The following NECTIN3 variants were observed in gnomAD, a reference collection of about 807,000 sequenced individuals.
NECTIN3 encodes the protein nectin cell adhesion molecule 3, also known as nectin-3.
In NECTIN3, 8 loss-of-function variants were observed where a neutral mutation model predicts 49.4. That is an observed-to-expected ratio of 0.16 (90% CI 0.10 to 0.29). NECTIN3 has a LOEUF of 0.29. Among genes scored for constraint, NECTIN3 ranks in the 10% least tolerant of loss-of-function variants. The pLI, the probability that NECTIN3 is intolerant of heterozygous loss-of-function variation, is 1.00. For missense variants in NECTIN3, 581 were observed against 654.6 expected (o/e 0.89, Z 1.23); for synonymous variants, 277 against 241.1 (o/e 1.15, Z -1.38).
At chr3:111,122,078 AT>A (rs2033980493) in intron 3 of NECTIN3, 42 bp from the exon 4 acceptor site, 2 of 1,299,382 alleles carry the variant, frequency 1.5e-6, no homozygotes, top group Non-Finnish European at 2.2e-6. Context: ...TGCATTTATC[AT>A]TAACAAAAGG....
chr3:111,138,511 G>A (rs1406835851), downstream of NECTIN3, among the ~76,000 whole-genome samples: 1 of 151,558 alleles, frequency 6.6e-6, no homozygotes, highest in African/African-American at 2.4e-5. Flanking sequence ...CTTGAGTAGT[G>A]TTAGGTTTTT....
intron 7 of NECTIN3, among the ~76,000 whole-genome samples, chr3:111,172,914 C>A (rs1379236048): frequency 6.6e-6 from 1 of 152,222 alleles, no homozygotes; most frequent in Non-Finnish European, 1.5e-5. Context: ...TCATTCCAAG[C>A]TGCTTTGGAT....
chr3:111,162,275 C>G (rs1001368453), intron 7 of NECTIN3, among the ~76,000 whole-genome samples: 2 of 151,974 alleles, frequency 1.3e-5, no homozygotes, highest in Non-Finnish European at 2.9e-5. Flanking sequence ...TGGCAGTGTC[C>G]CCACCCAAAT....
At chr3:111,166,162 A>G (rs1456696588) in intron 7 of NECTIN3, among the ~76,000 whole-genome samples, 2 of 152,220 alleles carry the variant, frequency 1.3e-5, no homozygotes, top group Non-Finnish European at 2.9e-5. Flanking sequence ...ATGCTTCCAC[A>G]GTCACCAGAA....
In NECTIN3 at chr3:111,092,619, C is replaced by G. The variant is rs556156634; in HGVS notation, c.161-19411C>G. 1.6e-4 allele frequency among the ~76,000 whole-genome samples: 11 copies of G among 70,610 alleles called. No individual in the cohort carries two copies. The East Asian group carries it at 2.7e-3, about 18-fold the overall frequency. 46.3% of individuals were successfully genotyped at this position (70,610 alleles called of 152,430 possible). A position where few individuals can be genotyped will look rare whatever the true frequency, so the allele number is the denominator to read the frequency against. On this transcript the variant is annotated intron_variant, in intron 1 of 5. Coordinates refer to ENST00000485303, the MANE Select transcript of NECTIN3 (RefSeq NM_015480.3). ...TAAATTGATAAATGTGATGGTTTATCTGGACTCAGTACTGTTCTGTTGATT... is the reference window on the plus strand; with the variant it reads ...TAAATTGATAAATGTGATGGTTTATGTGGACTCAGTACTGTTCTGTTGATT...
chr3:111,077,359 A>AAAAAAAAAAAAAG (rs1559762266), intron 1 of NECTIN3: 1 of 291,152 alleles, frequency 3.4e-6, no homozygotes, highest in Non-Finnish European at 7.0e-6. Flanking sequence ...AAAAAAAAAA[A>AAAAAAAAAAAAAG]AAAAGATCAA....
chr3:111,120,461 G>T (rs147777892), intron 3 of NECTIN3, among the ~76,000 whole-genome samples: 1 of 151,942 alleles, frequency 6.6e-6, no homozygotes, highest in Non-Finnish European at 1.5e-5. Context: ...ATCCTCTTGG[G>T]ATACTTTTAT....
chr3:111,118,027 A>G (rs2033762339), intron 2 of NECTIN3, among the ~76,000 whole-genome samples: 1 of 151,724 alleles, frequency 6.6e-6, no homozygotes, highest in Non-Finnish European at 1.5e-5. Context: ...AGCAGCCCTA[A>G]TTGGTTCTTT....
At chr3:111,144,953 C>A in exon 6 of NECTIN3, 1 of 1,536,200 alleles carries the variant, frequency 6.5e-7, no homozygotes, top group Middle Eastern at 1.7e-4. Flanking sequence ...GTAATTGGAG[C>A]TGTTCTTGCC....
In NECTIN3 at chr3:111,134,626, T is replaced by G; in HGVS notation, c.*411T>G. ...TTGTTTAACATATACCTCTCAAAAT[T>G]TATCACCACTCAATGACACTGCATC... On this transcript the variant is annotated 3_prime_UTR_variant, in exon 6 of 6. Coordinates refer to ENST00000485303, the MANE Select transcript of NECTIN3 (RefSeq NM_015480.3). The G allele has an allele frequency of 3.3e-6, 3 of 896,770 alleles. No homozygotes were observed. Among genetic ancestry groups the G allele is most frequent in the South Asian group, 1.0e-4 (2 of 19,414 alleles). The allele number at this position is 896,770 out of a possible 1,614,324, so 55.6% of individuals were successfully genotyped here.
chr3:111,115,190 G>T (rs1300195837), intron 2 of NECTIN3, among the ~76,000 whole-genome samples: 1 of 152,186 alleles, frequency 6.6e-6, no homozygotes, highest in East Asian at 1.9e-4. Context: ...CTCAAGAGGG[G>T]AGCAGGAGTT....
Position 111,122,177 on chromosome 3 carries a change from G to C in NECTIN3, c.856G>C (p.Gly286Arg). 3.1e-6 allele frequency: 5 copies of C among 1,613,634 alleles called. No homozygotes were observed. The highest frequency in any genetic ancestry group is 3.4e-6 in the Non-Finnish European group (4 of 1,179,726). Residue 286 changes from glycine (G) to arginine (R), a missense_variant, in exon 4 of 6, where the codon GGT becomes CGT. Around this residue, in one of 3 missense-constraint regions of NECTIN3, gnomAD observed 234 missense variants for 340.6 expected, o/e 0.69. Coordinates refer to ENST00000485303, the MANE Select transcript of NECTIN3 (RefSeq NM_015480.3). ...TGGAAATTGGTTTGTAGGAAGAAAA[G>C]GTGTTAATCTCAAATGTAATGCTGA... The part of the protein sequence containing the change: ...YDGNWFVGRK[G>R]VNLKCNADAN...
rs1052947419 is a variant in NECTIN3, at chr3:111,134,673, T to A, written c.*458T>A. On this transcript the variant is annotated 3_prime_UTR_variant, in exon 6 of 6. Coordinates refer to ENST00000485303, the MANE Select transcript of NECTIN3 (RefSeq NM_015480.3). ...CATCAAAATTGACTATAAAACTAAT[T>A]CAAGAAATATTTATATATATTTTTT... is the stretch of plus-strand genomic sequence containing the variant. 1.2e-6 allele frequency: 1 copy of A among 856,476 alleles called. No homozygotes were observed. The highest frequency in any genetic ancestry group is 5.4e-5 in the South Asian group (1 of 18,600). 53.1% of individuals were successfully genotyped at this position (856,476 alleles called of 1,614,324 possible).
At position 111,135,351 on chromosome 3, in the gene NECTIN3, T is replaced by A. The variant is rs140307999; in HGVS notation, c.*1136T>A. 1.5e-4 allele frequency: 141 copies of A among 942,480 alleles called. 1 individual carries two copies. The East Asian group carries it at 0.013, about 89-fold the overall frequency. The allele number at this position is 942,480 out of a possible 1,614,324, so 58.4% of individuals were successfully genotyped here. On this transcript the variant is annotated 3_prime_UTR_variant, in exon 6 of 6. Transcript: ENST00000485303. ...TAAGTGTATGTATGTGTTTTAAGAT[T>A]TCTGTTTTTACGATTAAAACTGGAA...
chr3:111,083,598 G>T (rs1438072295), intron 1 of NECTIN3, among the ~76,000 whole-genome samples: 1 of 152,222 alleles, frequency 6.6e-6, no homozygotes, highest in Non-Finnish European at 1.5e-5. Flanking sequence ...GTAACAAAGA[G>T]TGTAAGCCAG....
Position 111,134,013 on chromosome 3 carries a change from G to A in NECTIN3, c.1448G>A (p.Arg483His), listed in dbSNP as rs748644743. ...ENKNPVNNLI[R>H]KDYLEEPEKT... is the part of the protein sequence containing the mutation. Reference sequence around the variant, plus strand: ...AAAAATCCAGTGAACAATCTAATACGTAAAGACTATTTAGAAGAGCCTGAA... The same window carrying A: ...AAAAATCCAGTGAACAATCTAATACATAAAGACTATTTAGAAGAGCCTGAA... The change falls in exon 6 of 6, where the codon CGT (arginine) becomes CAT (histidine). Residue 483 changes from arginine (R) to histidine (H), a missense_variant. Arg to His is a conservative substitution (Grantham distance 29). Around this residue, in one of 3 missense-constraint regions of NECTIN3, gnomAD observed 238 missense variants for 244.9 expected, o/e 0.97. Coordinates refer to ENST00000485303, the MANE Select transcript of NECTIN3 (RefSeq NM_015480.3). 25 of 1,612,648 alleles carry A rather than the reference G, an allele frequency of 1.6e-5. No homozygotes were observed. Among genetic ancestry groups the A allele is most frequent in the South Asian group, 1.4e-4 (13 of 90,982 alleles).
intron 1 of NECTIN3, among the ~76,000 whole-genome samples, chr3:111,092,875 G>C (rs2032358427): frequency 6.6e-6 from 1 of 152,164 alleles, no homozygotes; most frequent in East Asian, 1.9e-4. Context: ...AGAGTAGGTT[G>C]AATCTCTAGA....
In NECTIN3 at chr3:111,071,833, CGGCGACGGCGGTGTCGA is replaced by C; in HGVS notation, c.-181_-165del. 2.6e-6 allele frequency: 1 copy of C among 381,980 alleles called. No individual in the cohort carries two copies. The highest frequency in any genetic ancestry group is 4.5e-6 in the Non-Finnish European group (1 of 220,296). 23.7% of individuals were successfully genotyped at this position (381,980 alleles called of 1,614,324 possible). ...CCCGCTTCAGCCTCGGCAGTGGCGTCGGCGACGGCGGTGTCGAGGCAGCCGCCAGCGTTCGGCCAAGT... is the reference window on the plus strand; with the variant it reads ...CCCGCTTCAGCCTCGGCAGTGGCGTCGGCAGCCGCCAGCGTTCGGCCAAGT... On this transcript the variant is annotated 5_prime_UTR_variant, in exon 1 of 6. Coordinates refer to ENST00000485303, the MANE Select transcript of NECTIN3 (RefSeq NM_015480.3).
At chr3:111,108,728 G>C (rs1399502671) in intron 1 of NECTIN3, among the ~76,000 whole-genome samples, 1 of 152,060 alleles carries the variant, frequency 6.6e-6, no homozygotes, top group Non-Finnish European at 1.5e-5. Flanking sequence ...GTTACATAAA[G>C]CAAAAGAAAG....
Sources: allele counts gnomAD v4.1 joint callset (sites outside exome capture counted in the v4.1 genomes callset), GRCh38; gene constraint gnomAD v4.1.1; regional missense constraint gnomAD v4.1.1; transcripts MANE v1.5; gene names NCBI Gene and HGNC (gene_info 2026-07-23, HGNC 2026-07-21).